The following NTM variants were observed in gnomAD, a reference collection of about 807,000 sequenced individuals.
The protein encoded by NTM is IgLON family member 2.
In NTM, 13 loss-of-function variants were observed where a neutral mutation model predicts 42.1. The ratio of observed to expected loss-of-function variants is 0.31; its 90% CI spans 0.20 to 0.49. NTM has a LOEUF of 0.49. NTM is among the 20% of genes least tolerant of loss of function. NTM has a pLI of 0.99. For synonymous variants in NTM, 187 were observed against 179.2 expected, an observed-to-expected ratio of 1.04 and a Z score of -0.35; for missense variants, 373 against 452.8, an observed-to-expected ratio of 0.82 and a Z score of 1.60.
chr11:132,017,894 G>A (rs2073687026), intron 2 of NTM, among the ~76,000 whole-genome samples: 1 of 151,896 alleles, frequency 6.6e-6, no homozygotes, highest in Non-Finnish European at 1.5e-5. Context: ...ATTGTGAATG[G>A]AATTATCTTC....
chr11:132,327,823 C>T (rs992153194), intron 7 of NTM, among the ~76,000 whole-genome samples: 1 of 151,112 alleles, frequency 6.6e-6, no homozygotes. Context: ...GTCTCCCTCC[C>T]TCCCTCCCTT....
At chr11:131,896,698 T>C (rs1405287808) in intron 1 of NTM, among the ~76,000 whole-genome samples, 1 of 146,438 alleles carries the variant, frequency 6.8e-6, no homozygotes, top group Non-Finnish European at 1.5e-5. Context: ...TTTTTTTTTT[T>C]TTTTCTCTGA....
At chr11:131,449,995 A>G (rs1311254560) in intron 1 of NTM, among the ~76,000 whole-genome samples, 1 of 152,196 alleles carries the variant, frequency 6.6e-6, no homozygotes, top group African/African-American at 2.4e-5. Flanking sequence ...TGTCCCAGCA[A>G]GCTTTAGCTA....
At chr11:131,688,221 C>A (rs1255126879) in intron 1 of NTM, among the ~76,000 whole-genome samples, 1 of 152,194 alleles carries the variant, frequency 6.6e-6, no homozygotes, top group Non-Finnish European at 1.5e-5. Context: ...AGCTGGAGAA[C>A]AGGCTCCCGG....
At chr11:132,275,276 A>T (rs2093660843) in intron 4 of NTM, among the ~76,000 whole-genome samples, 1 of 152,112 alleles carries the variant, frequency 6.6e-6, no homozygotes, top group Non-Finnish European at 1.5e-5. Flanking sequence ...GTCATCCTAG[A>T]ACGTGTATTG....
intron 1 of NTM, among the ~76,000 whole-genome samples, chr11:131,905,258 C>A (rs12293334): frequency 1.1e-4 from 16 of 152,274 alleles, no homozygotes; most frequent in African/African-American, 3.9e-4. Flanking sequence ...TATTTGACTT[C>A]TGGTCTGAGT....
chr11:132,005,782 G>T (rs985500723), intron 2 of NTM, among the ~76,000 whole-genome samples: 1 of 152,096 alleles, frequency 6.6e-6, no homozygotes, highest in African/African-American at 2.4e-5. Context: ...ACCTGCATCT[G>T]CCCACAGCAG....
At chr11:131,733,372 A>G (rs2079942160) in intron 1 of NTM, among the ~76,000 whole-genome samples, 1 of 151,958 alleles carries the variant, frequency 6.6e-6, no homozygotes, top group Admixed American at 6.6e-5. Flanking sequence ...TTTCTTGTTC[A>G]TTTCCTGGAT....
intron 1 of NTM, among the ~76,000 whole-genome samples, chr11:131,483,604 C>A (rs1953848322): frequency 1.3e-5 from 2 of 152,208 alleles, no homozygotes; most frequent in Admixed American, 1.3e-4. Context: ...TTCTCCAGCT[C>A]CCCTTGCCAG....
In NTM at chr11:132,214,005, ATTACAG is replaced by A. The variant is rs1330869488; in HGVS notation, c.526+1859_526+1864del. On this transcript the variant is annotated intron_variant, in intron 4 of 8. Transcript: ENST00000683400. ...CGCCTCGGCCTCCCAAAGTGCTGGG[ATTACAG>A]GCGTGAGCCACCGCGCCCGGCGGGC... 1.1e-4 allele frequency among the ~76,000 whole-genome samples: 7 copies of A among 61,322 alleles called. 1 individual carries two copies. The highest frequency in any genetic ancestry group is 3.1e-4 in the Non-Finnish European group (7 of 22,576). 40.2% of individuals were successfully genotyped at this position (61,322 alleles called of 152,430 possible). A position where few individuals can be genotyped will look rare whatever the true frequency, so the allele number is the denominator to read the frequency against.
At chr11:132,055,026 T>C (rs917600196) in intron 2 of NTM, among the ~76,000 whole-genome samples, 8 of 152,194 alleles carry the variant, frequency 5.3e-5, no homozygotes, top group Non-Finnish European at 1.2e-4. Flanking sequence ...GGATTCCAGC[T>C]TTTGAAAACC....
At chr11:131,610,594 T>C (rs1216336093) in intron 1 of NTM, among the ~76,000 whole-genome samples, 2 of 151,806 alleles carry the variant, frequency 1.3e-5, no homozygotes, top group African/African-American at 4.8e-5. Context: ...AGGAGCAGAG[T>C]AGATGATAAC....
intron 4 of NTM, among the ~76,000 whole-genome samples, chr11:132,269,340 A>G (rs571249484): frequency 2.1e-4 from 32 of 152,276 alleles, no homozygotes; most frequent in Admixed American, 1.2e-3. Context: ...TTGTGCTTCA[A>G]TGGAAACAGA....
chr11:131,596,585 C>T (rs1309788636), intron 1 of NTM, among the ~76,000 whole-genome samples: 1 of 152,230 alleles, frequency 6.6e-6, no homozygotes, highest in Non-Finnish European at 1.5e-5. Flanking sequence ...GCTAGGCAGG[C>T]AGTGGGGACA....
chr11:131,918,523 A>C (rs2056761062), intron 2 of NTM, among the ~76,000 whole-genome samples: 1 of 152,156 alleles, frequency 6.6e-6, no homozygotes, highest in African/African-American at 2.4e-5. Context: ...CAGGAAACCA[A>C]AGCGCTGAGA....
chr11:131,403,512 G>GAA (rs539816475), intron 1 of NTM, among the ~76,000 whole-genome samples: 1 of 151,920 alleles, frequency 6.6e-6, no homozygotes, highest in African/African-American at 2.4e-5. Context: ...CAGAAAGAAA[G>GAA]AAACAAACAA....
chr11:131,408,420 C>A (rs1019796025), intron 1 of NTM, among the ~76,000 whole-genome samples: 4 of 152,176 alleles, frequency 2.6e-5, no homozygotes, highest in Admixed American at 2.0e-4. Context: ...AGGGGTGAAG[C>A]ATCTAGAAGG....
intron 4 of NTM, among the ~76,000 whole-genome samples, chr11:132,222,066 C>T (rs1164335268): frequency 1.3e-5 from 2 of 152,144 alleles, no homozygotes; most frequent in Admixed American, 6.5e-5. Flanking sequence ...TGTGTCATCG[C>T]GCTGGACTCC....
At chr11:132,306,482 G>A (rs994578804) in intron 4 of NTM, 7 of 152,346 alleles carry the variant, frequency 4.6e-5, no homozygotes, top group East Asian at 3.9e-4. Flanking sequence ...GGCAGCACAC[G>A]AGAGTTTTGG....
Sources: allele counts gnomAD v4.1 joint callset (sites outside exome capture counted in the v4.1 genomes callset), GRCh38; gene constraint gnomAD v4.1.1; transcripts MANE v1.5; gene names NCBI Gene and HGNC (gene_info 2026-07-23, HGNC 2026-07-21).